SYTL5: variants seen among roughly 807,000 people sequenced by gnomAD.
The protein encoded by SYTL5 is synaptotagmin-like protein 5.
A neutral mutation model predicts 55.9 loss-of-function variants in SYTL5; 34 were observed. That is an observed-to-expected ratio of 0.61 (90% CI 0.46 to 0.81). The LOEUF is 0.81. Ranked by LOEUF, SYTL5 falls within the 30% of genes least tolerant of loss-of-function variation. The pLI, the probability that SYTL5 is intolerant of heterozygous loss-of-function variation, is 0.00. For missense variants in SYTL5, 637 were observed against 546.7 expected, an observed-to-expected ratio of 1.17 and a Z score of -1.65; for synonymous variants, 221 against 188.7, an observed-to-expected ratio of 1.17 and a Z score of -1.40.
chrX:37,907,869 T>C, the SYTL5 span, among the ~76,000 whole-genome samples: 7 of 112,036 alleles, frequency 6.2e-5, no homozygotes, highest in African/African-American at 2.3e-4. Flanking sequence ...TATATATTGT[T>C]GTGAACTTTA....
chrX:38,066,607 T>G (rs1162926486), intron 3 of SYTL5, among the ~76,000 whole-genome samples: 1 of 111,094 alleles, frequency 9.0e-6, no homozygotes, highest in Non-Finnish European at 1.9e-5. Flanking sequence ...TTTTGTCTTT[T>G]ACCCCTTCTG....
the SYTL5 span, among the ~76,000 whole-genome samples, chrX:37,904,363 G>A: frequency 7.5e-5 from 8 of 107,181 alleles, no homozygotes; most frequent in East Asian, 2.9e-4. Flanking sequence ...AATGCAGAGT[G>A]GGGGGGACTT....
the SYTL5 span, among the ~76,000 whole-genome samples, chrX:37,929,250 G>C: frequency 9.0e-6 from 1 of 111,089 alleles, no homozygotes; most frequent in East Asian, 2.8e-4. Context: ...CCAAGAGTTT[G>C]AGAGAGAGCA....
chrX:38,122,283 C>T lies in SYTL5; in HGVS notation c.1841+68C>T. The stretch of plus-strand genomic sequence containing the variant: ...ATGAAAGGATCTGTGATCCACAAGC[C>T]ACTGGTGGCTGTGAGCCTTCCGTGT... On this transcript the variant is annotated intron_variant, in intron 15 of 16. Transcript: ENST00000297875. The T allele has an allele frequency of 6.9e-6, 7 of 1,013,785 alleles. No homozygotes were observed. In the South Asian group the frequency reaches 1.7e-4, roughly 25 times the overall value. The allele number at this position is 1,013,785 out of a possible 1,213,427, so 83.5% of individuals were successfully genotyped here.
the SYTL5 span, among the ~76,000 whole-genome samples, chrX:37,934,156 C>T: frequency 1.9e-4 from 21 of 110,597 alleles, no homozygotes; most frequent in African/African-American, 6.3e-4. Flanking sequence ...TTTTAAATTA[C>T]GAGGCATGCA....
chrX:38,070,485 T>C (rs1936229625), intron 3 of SYTL5, among the ~76,000 whole-genome samples: 2 of 111,205 alleles, frequency 1.8e-5, no homozygotes, highest in Admixed American at 1.9e-4. Flanking sequence ...TTCTATCCTC[T>C]TTATTGTTTA....
chrX:38,073,116 C>G (rs919078408), intron 4 of SYTL5, among the ~76,000 whole-genome samples: 1 of 111,810 alleles, frequency 8.9e-6, no homozygotes, highest in Admixed American at 9.5e-5. Context: ...GCCATGGCCT[C>G]TTCTTCCACT....
chrX:37,909,443 T>G, the SYTL5 span, among the ~76,000 whole-genome samples: 38 of 111,603 alleles, frequency 3.4e-4, no homozygotes, highest in Non-Finnish European at 5.8e-4. Context: ...TCAACACAAA[T>G]TTGTAAACTT....
the SYTL5 span, among the ~76,000 whole-genome samples, chrX:37,890,832 A>G: frequency 3.6e-5 from 4 of 111,906 alleles, no homozygotes; most frequent in East Asian, 2.8e-4. Context: ...ATGCAAATCA[A>G]CGTAACAGCT....
the SYTL5 span, among the ~76,000 whole-genome samples, chrX:37,917,407 T>C: frequency 3.0e-4 from 34 of 112,072 alleles, no homozygotes; most frequent in East Asian, 7.5e-3. Flanking sequence ...GGTAATGAAT[T>C]TTTAGCTAAA....
chrX:38,121,038 C>A (rs1258248537), intron 14 of SYTL5, among the ~76,000 whole-genome samples: 4 of 111,317 alleles, frequency 3.6e-5, no homozygotes, highest in African/African-American at 1.3e-4. Flanking sequence ...TCTGAGGAGG[C>A]CTCAGGAAGC....
At chrX:37,927,889 T>C in the SYTL5 span, among the ~76,000 whole-genome samples, 29 of 112,025 alleles carry the variant, frequency 2.6e-4, no homozygotes, top group Non-Finnish European at 3.8e-4. Context: ...CAAGCCACCA[T>C]AACTTTTCTT....
At chrX:37,998,423 C>T in the SYTL5 span, among the ~76,000 whole-genome samples, 1 of 112,095 alleles carries the variant, frequency 8.9e-6, no homozygotes, top group African/African-American at 3.2e-5. Context: ...TTCCAGGTGC[C>T]ACCATGTTTC....
At chrX:37,901,261 C>T in the SYTL5 span, among the ~76,000 whole-genome samples, 3 of 111,838 alleles carry the variant, frequency 2.7e-5, no homozygotes, top group East Asian at 8.5e-4. Context: ...CATGAATCTC[C>T]CTCAGGTGAT....
intron 1 of SYTL5, among the ~76,000 whole-genome samples, chrX:38,022,675 C>A (rs1666801749): frequency 8.9e-6 from 1 of 112,344 alleles, no homozygotes; most frequent in Non-Finnish European, 1.9e-5. Context: ...TATCTCAAGA[C>A]CTTTCACGTA....
intron 3 of SYTL5, among the ~76,000 whole-genome samples, chrX:38,061,960 A>C (rs889524309): frequency 2.7e-5 from 3 of 109,310 alleles, no homozygotes; most frequent in African/African-American, 9.9e-5. Context: ...AACATGAAAT[A>C]TTTTTTCTTT....
intron 3 of SYTL5, among the ~76,000 whole-genome samples, chrX:38,062,275 A>C (rs928538537): frequency 1.8e-5 from 2 of 112,150 alleles, no homozygotes; most frequent in African/African-American, 6.5e-5. Context: ...CCGCCAAAAC[A>C]TGAAATACTT....
At position 38,126,636 on chromosome X, in the gene SYTL5, A is replaced by T; in HGVS notation, c.2099A>T (p.Glu700Val). 8.3e-7 allele frequency: 1 copy of T among 1,211,089 alleles called. No homozygotes were observed. The highest frequency in any genetic ancestry group is 1.1e-6 in the Non-Finnish European group (1 of 895,119). ...GATTGGATGGACTCTCAGGGGGAAG[A>T]GCAGCGCCTTTGGCAGAAGATGGCC... ...NVDWMDSQGE[E>V]QRLWQKMANN... Residue 700 changes from glutamate (E) to valine (V), a missense_variant, in exon 17 of 17, where the codon GAG becomes GTG. Transcript: ENST00000297875.
chrX:37,988,827 C>G, the SYTL5 span, among the ~76,000 whole-genome samples: 2 of 112,063 alleles, frequency 1.8e-5, no homozygotes, highest in Admixed American at 9.5e-5. Flanking sequence ...CTGAATTGTG[C>G]TCTACAATTA....
Sources: allele counts gnomAD v4.1 joint callset (sites outside exome capture counted in the v4.1 genomes callset), GRCh38; gene constraint gnomAD v4.1.1; transcripts MANE v1.5; gene names NCBI Gene and HGNC (gene_info 2026-07-23, HGNC 2026-07-21).